CELSR1: variants seen among roughly 807,000 people sequenced by gnomAD.
CELSR1 encodes the protein cadherin EGF LAG seven-pass G-type receptor 1.
A neutral mutation model predicts 249.1 loss-of-function variants in CELSR1; 110 were observed. The observed-to-expected ratio is 0.44, with a 90% CI of 0.38 to 0.52. The LOEUF is 0.52. CELSR1 is among the 20% of genes least tolerant of loss of function. The pLI is 0.00. For missense variants in CELSR1, 4,109 were observed against 4,296.4 expected (o/e 0.96, Z 1.22); for synonymous variants, 2,113 against 1,900.0 (o/e 1.11, Z -2.92).
chr22:46,483,010 C>A (rs1411506182), intron 1 of CELSR1, among the ~76,000 whole-genome samples: 2 of 152,192 alleles, frequency 1.3e-5, no homozygotes, highest in Non-Finnish European at 2.9e-5. Flanking sequence ...CCAAGCCACT[C>A]AGCTGTCTAC....
chr22:46,394,072 GTATT>G, intron 14 of CELSR1, 66 bp downstream of exon 14: 1 of 1,566,292 alleles, frequency 6.4e-7, no homozygotes, highest in Non-Finnish European at 8.7e-7. Flanking sequence ...AGGCGTGTGT[GTATT>G]TAGGGGCAGC....
intron 1 of CELSR1, among the ~76,000 whole-genome samples, chr22:46,491,918 T>C (rs549998443): frequency 1.3e-5 from 2 of 152,366 alleles, no homozygotes; most frequent in South Asian, 4.1e-4. Context: ...ATTATAGGCA[T>C]GAGCCACGAT....
chr22:46,403,276 C>T (rs111376401), intron 9 of CELSR1, among the ~76,000 whole-genome samples: 1,659 of 152,022 alleles, frequency 0.011, 31 homozygotes, highest in African/African-American at 0.037. Flanking sequence ...TAGGCTGGCG[C>T]GGTGGCTTAC....
At chr22:46,499,129 G>A (rs1602214855) in intron 1 of CELSR1, among the ~76,000 whole-genome samples, 2 of 150,362 alleles carry the variant, frequency 1.3e-5, no homozygotes, top group African/African-American at 2.5e-5. Flanking sequence ...GCAGTGAGCC[G>A]AGATCGTGCC....
chr22:46,502,847 G>A (rs887766786), intron 1 of CELSR1, among the ~76,000 whole-genome samples: 3 of 152,162 alleles, frequency 2.0e-5, no homozygotes, highest in African/African-American at 4.8e-5. Context: ...GCAGCAAGGC[G>A]TTTTTAAAGA....
Position 46,409,460 on chromosome 22 carries a change from G to T in CELSR1, c.5059+295C>A, listed in dbSNP as rs989466946. The stretch of plus-strand genomic sequence containing the variant: ...CAGGCTTGACAGGAGGCAGACGGGG[G>T]CGGGTTCAGGATCCCTGGGCTCCGT... On this transcript the variant is annotated intron_variant, in intron 8 of 34. Transcript: ENST00000674500. The surrounding 1 kb of genome is among the most constrained non-coding windows in gnomAD (Gnocchi z 9.8). Among the ~76,000 whole-genome samples the T allele has an allele frequency of 6.6e-6, 1 of 152,196 alleles. No homozygotes were observed. Among genetic ancestry groups the T allele is most frequent in the Non-Finnish European group, 1.5e-5 (1 of 68,026 alleles).
rs201743311 is a variant in CELSR1 at position 46,397,816 on chromosome 22, G to A, written c.5559C>T (p.Val1853=). 3.9e-5 allele frequency: 62 copies of A among 1,590,390 alleles called. No homozygotes were observed. In the East Asian group the frequency reaches 1.1e-3, roughly 28 times the overall value. The part of the protein sequence containing the change: ...GVRMGGTPTN[V]ATLNMNNALK... Reference sequence around the variant, plus strand: ...GTGCGTTGTTCATGTTCAGGGTGGCGACGTTGGTGGGCGTCCCCCCCATCC... The same window carrying A: ...GTGCGTTGTTCATGTTCAGGGTGGCAACGTTGGTGGGCGTCCCCCCCATCC... Residue 1853 remains valine (V), a synonymous_variant, in exon 12 of 35, where the codon GTC becomes GTT. Coordinates refer to ENST00000674500, the MANE Select transcript of CELSR1 (RefSeq NM_001378328.1).
chr22:46,511,432 C>A (rs929581952), intron 1 of CELSR1, among the ~76,000 whole-genome samples: 1 of 152,194 alleles, frequency 6.6e-6, no homozygotes, highest in Non-Finnish European at 1.5e-5. Context: ...GTCAAAGCAT[C>A]GCTCCAAAAC....
chr22:46,501,528 G>A (rs1207258199), intron 1 of CELSR1, among the ~76,000 whole-genome samples: 3 of 152,086 alleles, frequency 2.0e-5, no homozygotes, highest in Non-Finnish European at 4.4e-5. Flanking sequence ...GTTTTAAACA[G>A]ACATTTAAAT....
chr22:46,382,643 A>C (rs1222003682), intron 20 of CELSR1, among the ~76,000 whole-genome samples: 1 of 152,122 alleles, frequency 6.6e-6, no homozygotes, highest in African/African-American at 2.4e-5. Context: ...GGTGGAAACA[A>C]CTCAGGCATG....
chr22:46,447,104 C>T lies in CELSR1; in HGVS notation c.4184-7693G>A, dbSNP rs569587697. On this transcript the variant is annotated intron_variant, in intron 2 of 34. Coordinates refer to ENST00000674500, the MANE Select transcript of CELSR1 (RefSeq NM_001378328.1). The surrounding 1 kb of genome is among the most constrained non-coding windows in gnomAD (Gnocchi z 4.7). Reference sequence around the variant, plus strand: ...TGTTTAAACAAGGTAACTGGAGGGGCTGCTCCCCACCAACCCTCAGGGAGA... The same window carrying T: ...TGTTTAAACAAGGTAACTGGAGGGGTTGCTCCCCACCAACCCTCAGGGAGA... Among the ~76,000 whole-genome samples, 1 of 152,242 alleles carries T rather than the reference C, an allele frequency of 6.6e-6. No individual in the cohort carries two copies. Among genetic ancestry groups the T allele is most frequent in the Non-Finnish European group, 1.5e-5 (1 of 68,004 alleles).
chr22:46,444,042 C>G (rs2079787741), intron 2 of CELSR1, among the ~76,000 whole-genome samples: 1 of 152,234 alleles, frequency 6.6e-6, no homozygotes, highest in South Asian at 2.1e-4. Context: ...GCCCTTCCCA[C>G]AGCCGCTTCT....
At chr22:46,494,842 C>A (rs2080398484) in intron 1 of CELSR1, among the ~76,000 whole-genome samples, 1 of 152,266 alleles carries the variant, frequency 6.6e-6, no homozygotes, top group African/African-American at 2.4e-5. Flanking sequence ...TAGTGTTCTG[C>A]CCATCTTTCA....
chr22:46,366,885 G>A (rs950253278), intron 29 of CELSR1, 108 bp downstream of exon 29: 14 of 1,426,346 alleles, frequency 9.8e-6, no homozygotes, highest in African/African-American at 1.4e-5. Context: ...CATCCCCACC[G>A]TGAGGGGCAT....
In CELSR1 at chr22:46,395,121, C is replaced by G. The variant is rs2079133982; in HGVS notation, c.5844-859G>C. 6.6e-6 allele frequency among the ~76,000 whole-genome samples: 1 copy of G among 152,230 alleles called. No homozygotes were observed. Among genetic ancestry groups the G allele is most frequent in the Non-Finnish European group, 1.5e-5 (1 of 68,036 alleles). On this transcript the variant is annotated intron_variant, in intron 13 of 34. Transcript: ENST00000674500. The surrounding 1 kb of genome is among the most constrained non-coding windows in gnomAD (Gnocchi z 5.5). Reference sequence around the variant, plus strand: ...TTAAGGACTGTGTACAAATCAGGGTCATAAAGACAACCAGGCCAGAGATAG... The same window carrying G: ...TTAAGGACTGTGTACAAATCAGGGTGATAAAGACAACCAGGCCAGAGATAG...
At chr22:46,404,680 G>C (rs1031809462) in intron 9 of CELSR1, among the ~76,000 whole-genome samples, 2 of 152,156 alleles carry the variant, frequency 1.3e-5, no homozygotes, top group Non-Finnish European at 2.9e-5. Flanking sequence ...GTAGAAACAA[G>C]GTTTCTCCAT....
At chr22:46,504,274 G>C (rs58081681) in intron 1 of CELSR1, among the ~76,000 whole-genome samples, 7,296 of 152,092 alleles carry the variant, frequency 0.048, 591 homozygotes, top group African/African-American at 0.17. Flanking sequence ...AGCACTTTGG[G>C]AGGCCAAGGC....
chr22:46,376,166 T>C (rs532871156), intron 24 of CELSR1, among the ~76,000 whole-genome samples: 9 of 152,274 alleles, frequency 5.9e-5, no homozygotes, highest in Non-Finnish European at 1.2e-4. Flanking sequence ...TTAATGAGCA[T>C]AACATTTATC....
intron 1 of CELSR1, among the ~76,000 whole-genome samples, chr22:46,528,843 G>A (rs964072009): frequency 1.3e-5 from 2 of 151,696 alleles, no homozygotes; most frequent in Admixed American, 6.6e-5. Context: ...GCAGGAGAAC[G>A]GCGTGAACCC....
Sources: allele counts gnomAD v4.1 joint callset (sites outside exome capture counted in the v4.1 genomes callset), GRCh38; gene constraint gnomAD v4.1.1; non-coding constraint Gnocchi (gnomAD v3.1); transcripts MANE v1.5; gene names NCBI Gene and HGNC (gene_info 2026-07-23, HGNC 2026-07-21).